The following TRIM24 variants were observed in gnomAD, a reference collection of about 807,000 sequenced individuals.
The protein encoded by TRIM24 is tripartite motif containing 24.
TRIM24 carries 29 observed loss-of-function variants against 123.9 expected under a neutral mutation model. The observed-to-expected ratio is 0.23, with a 90% CI of 0.17 to 0.32. The LOEUF is 0.32. Among genes scored for constraint, TRIM24 ranks in the 10% least tolerant of loss-of-function variants. The pLI is 1.00. For synonymous variants in TRIM24, 456 were observed against 461.1 expected, an observed-to-expected ratio of 0.99 and a Z score of 0.14; for missense variants, 932 against 1,295.3, an observed-to-expected ratio of 0.72 and a Z score of 4.31.
intron 1 of TRIM24, among the ~76,000 whole-genome samples, chr7:138,478,818 A>G (rs970979812): frequency 1.3e-5 from 2 of 152,116 alleles, no homozygotes; most frequent in Non-Finnish European, 2.9e-5. Flanking sequence ...TCATAAAGTC[A>G]CTAGAGGTTA....
chr7:138,508,527 A>G (rs953858894), intron 2 of TRIM24, among the ~76,000 whole-genome samples: 8 of 152,258 alleles, frequency 5.3e-5, no homozygotes, highest in Non-Finnish European at 1.2e-4. Context: ...AGCTTCCTTC[A>G]TCAATTCTTT....
At position 138,585,932 on chromosome 7, in the gene TRIM24, T is replaced by A. The variant is rs1245540546; in HGVS notation, c.*981T>A. Reference sequence around the variant, plus strand: ...GACTCGTTTTTGTGGTTTTCATCTGTCTATAATTTGGAATGAAAATGTGTT... The same window carrying A: ...GACTCGTTTTTGTGGTTTTCATCTGACTATAATTTGGAATGAAAATGTGTT... On this transcript the variant is annotated 3_prime_UTR_variant, in exon 19 of 19. Coordinates refer to ENST00000343526, the MANE Select transcript of TRIM24 (RefSeq NM_015905.3). The A allele has an allele frequency of 1.9e-6, 1 of 516,354 alleles. No homozygotes were observed. The highest frequency in any genetic ancestry group is 3.9e-6 in the Non-Finnish European group (1 of 257,842). 32.0% of individuals were successfully genotyped at this position (516,354 alleles called of 1,614,324 possible).
At chr7:138,464,985 C>T (rs1055591729) in intron 1 of TRIM24, among the ~76,000 whole-genome samples, 1 of 152,082 alleles carries the variant, frequency 6.6e-6, no homozygotes, top group Non-Finnish European at 1.5e-5. Flanking sequence ...ACTTTTCATG[C>T]TCTCTTTGTC....
chr7:138,558,673 T>G (rs1387444794), intron 9 of TRIM24, among the ~76,000 whole-genome samples: 3 of 152,228 alleles, frequency 2.0e-5, no homozygotes, highest in African/African-American at 7.2e-5. Context: ...CAGGTTTTCT[T>G]TATAATATAC....
chr7:138,463,791 G>A (rs963383325), intron 1 of TRIM24, among the ~76,000 whole-genome samples: 12 of 152,096 alleles, frequency 7.9e-5, no homozygotes, highest in African/African-American at 2.4e-4. Context: ...CAAAGAAAGC[G>A]TTTAAATTGG....
intron 10 of TRIM24, among the ~76,000 whole-genome samples, chr7:138,568,726 TTC>T (rs766705476): frequency 3.0e-4 from 34 of 112,580 alleles, no homozygotes; most frequent in Non-Finnish European, 6.0e-4. Flanking sequence ...TAAAAATATT[TTC>T]TGTGTTTTAC....
At position 138,525,247 on chromosome 7, in the gene TRIM24, A is replaced by G. The variant is rs1796584430; in HGVS notation, c.771A>G (p.Gln257=). 6.8e-7 allele frequency: 1 copy of G among 1,477,932 alleles called. No homozygotes were observed. Among genetic ancestry groups the G allele is most frequent in the Non-Finnish European group, 9.0e-7 (1 of 1,113,286 alleles). The allele number at this position is 1,477,932 out of a possible 1,614,324, so 91.6% of individuals were successfully genotyped here. ...AATTTGCTTATTTCTTCAGATACCAATTTATAGAAGAAGCTTTTCAGAATC... is the reference window on the plus strand; with the variant it reads ...AATTTGCTTATTTCTTCAGATACCAGTTTATAGAAGAAGCTTTTCAGAATC... ...QLLEHKEHRY[Q]FIEEAFQNQK... The change falls in exon 5 of 19, where the codon CAA becomes CAG. Residue 257 remains glutamine, a synonymous_variant. Transcript: ENST00000343526.
chr7:138,552,823 AT>A (rs982365765), intron 8 of TRIM24, among the ~76,000 whole-genome samples: 4 of 152,298 alleles, frequency 2.6e-5, no homozygotes, highest in African/African-American at 9.6e-5. Flanking sequence ...TTACACACTC[AT>A]TTTACCAAAA....
intron 12 of TRIM24, among the ~76,000 whole-genome samples, chr7:138,574,773 A>C (rs1322434067): frequency 6.6e-6 from 1 of 152,150 alleles, no homozygotes; most frequent in East Asian, 1.9e-4. Flanking sequence ...CATTTATCCA[A>C]TATTGTACTG....
chr7:138,560,764 A>G (rs570616253), intron 9 of TRIM24, among the ~76,000 whole-genome samples: 2 of 152,264 alleles, frequency 1.3e-5, no homozygotes, highest in African/African-American at 4.8e-5. Context: ...CTTCAATGTA[A>G]TGTCCAGTCT....
chr7:138,542,997 A>C (rs1379274487), intron 7 of TRIM24, among the ~76,000 whole-genome samples: 1 of 152,192 alleles, frequency 6.6e-6, no homozygotes, highest in African/African-American at 2.4e-5. Flanking sequence ...AGTCAAATAG[A>C]AAAGGGATAG....
intron 8 of TRIM24, 80 bp downstream of exon 8, chr7:138,551,260 T>G: frequency 7.8e-7 from 1 of 1,286,922 alleles, no homozygotes; most frequent in Non-Finnish European, 1.1e-6. Flanking sequence ...ACTGAAAATA[T>G]GTTCACTTAG....
At chr7:138,463,943 T>C (rs1003369298) in intron 1 of TRIM24, among the ~76,000 whole-genome samples, 1 of 150,208 alleles carries the variant, frequency 6.7e-6, no homozygotes, top group African/African-American at 2.4e-5. Context: ...TCCCTTTATC[T>C]CTCCTTGCAT....
intron 14 of TRIM24, among the ~76,000 whole-genome samples, chr7:138,578,563 T>TGTGTGTGTGTGCGCGCGC (rs145011901): frequency 1.4e-5 from 2 of 144,990 alleles, no homozygotes; most frequent in African/African-American, 5.2e-5. Context: ...TGTGTGTGTG[T>TGTGTGTGTGTGCGCGCGC]GCGCGCACGC....
intron 9 of TRIM24, among the ~76,000 whole-genome samples, chr7:138,561,115 T>C (rs979525685): frequency 3.3e-5 from 5 of 152,186 alleles, no homozygotes; most frequent in East Asian, 1.9e-4. Context: ...AGTATAAACA[T>C]TGACTTTTTT....
intron 1 of TRIM24, among the ~76,000 whole-genome samples, chr7:138,464,714 G>A (rs778320341): frequency 5.3e-5 from 8 of 152,016 alleles, no homozygotes; most frequent in Non-Finnish European, 1.2e-4. Context: ...CAAACAATAG[G>A]TTTGTTGAGG....
intron 1 of TRIM24, among the ~76,000 whole-genome samples, chr7:138,486,023 A>G (rs928387638): frequency 6.6e-6 from 1 of 152,126 alleles, no homozygotes; most frequent in Non-Finnish European, 1.5e-5. Flanking sequence ...CTTTTTAATG[A>G]TCGCCATTCT....
chr7:138,567,687 T>C, intron 10 of TRIM24, 33 bp downstream of exon 10: 1 of 1,520,430 alleles, frequency 6.6e-7, no homozygotes, highest in Admixed American at 2.0e-5. Context: ...CAATTGCTTT[T>C]TCTGCTGCTT....
At chr7:138,517,352 G>T (rs28706910) in intron 3 of TRIM24, among the ~76,000 whole-genome samples, 5 of 151,534 alleles carry the variant, frequency 3.3e-5, no homozygotes, top group African/African-American at 1.2e-4. Context: ...TAGGGTTTTT[G>T]TGTGTGTGTG....
Sources: allele counts gnomAD v4.1 joint callset (sites outside exome capture counted in the v4.1 genomes callset), GRCh38; gene constraint gnomAD v4.1.1; transcripts MANE v1.5; gene names NCBI Gene and HGNC (gene_info 2026-07-23, HGNC 2026-07-21).